The following TRIQK variants were observed in gnomAD, a reference collection of about 807,000 sequenced individuals.
TRIQK encodes triple QxxK/R motif containing, also known as triple QxxK/R motif-containing protein.
TRIQK carries 10 observed loss-of-function variants against 10.8 expected under a neutral mutation model. The observed-to-expected ratio is 0.92, with a 90% confidence interval of 0.57 to 1.57. The LOEUF (loss-of-function observed/expected upper bound fraction) is 1.57, where lower values mean the gene tolerates loss of function less well. Among genes scored for constraint, TRIQK ranks in the 40% most tolerant of loss-of-function variants. TRIQK has a pLI of 0.00. For synonymous variants in TRIQK, 33 were observed against 33.7 expected (o/e 0.98, Z 0.07); for missense variants, 107 against 97.7 (o/e 1.09, Z -0.40).
intron 1 of TRIQK, among the ~76,000 whole-genome samples, chr8:93,001,305 C>CAA (rs1229891736): frequency 2.5e-5 from 2 of 78,814 alleles, no homozygotes; most frequent in Admixed American, 1.4e-4. Flanking sequence ...GACTCCATCT[C>CAA]AAAAAAAAAA....
chr8:93,003,478 C>A (rs1446141322), intron 1 of TRIQK, among the ~76,000 whole-genome samples: 1 of 152,170 alleles, frequency 6.6e-6, no homozygotes, highest in Non-Finnish European at 1.5e-5. Context: ...TCCCCCATCA[C>A]TGGCAATTAC....
chr8:92,897,119 A>T (rs1808648704), intron 3 of TRIQK, among the ~76,000 whole-genome samples: 1 of 152,130 alleles, frequency 6.6e-6, no homozygotes, highest in South Asian at 2.1e-4. Context: ...GCCAGGCCCC[A>T]GCATTGTACT....
intron 1 of TRIQK, among the ~76,000 whole-genome samples, chr8:93,001,137 C>G (rs1416416493): frequency 6.6e-6 from 1 of 151,946 alleles, no homozygotes; most frequent in African/African-American, 2.4e-5. Flanking sequence ...GAAACCCCGT[C>G]TCTACTAAAA....
At chr8:92,933,357 C>A (rs187891337) in intron 2 of TRIQK, among the ~76,000 whole-genome samples, 60 of 152,082 alleles carry the variant, frequency 3.9e-4, no homozygotes, top group Non-Finnish European at 7.4e-4. Context: ...GGATAAGAAC[C>A]GATTTGAATT....
At chr8:92,929,749 C>G (rs887163837) in intron 2 of TRIQK, among the ~76,000 whole-genome samples, 3 of 152,064 alleles carry the variant, frequency 2.0e-5, no homozygotes, top group Admixed American at 1.3e-4. Context: ...GAGATAACTT[C>G]TATTAAATAG....
chr8:92,921,660 G>A (rs1810196131), intron 2 of TRIQK: 1 of 151,694 alleles, frequency 6.6e-6, no homozygotes, highest in Non-Finnish European at 1.5e-5. Context: ...GTTTCATATT[G>A]CTGTGATAAG....
At chr8:93,008,381 T>C (rs912716290) in intron 1 of TRIQK, among the ~76,000 whole-genome samples, 1 of 152,174 alleles carries the variant, frequency 6.6e-6, no homozygotes, top group African/African-American at 2.4e-5. Context: ...GAAGAATTAA[T>C]GCCATTAAAA....
chr8:92,936,227 T>C (rs1586456349), intron 2 of TRIQK, among the ~76,000 whole-genome samples: 1 of 151,776 alleles, frequency 6.6e-6, no homozygotes, highest in East Asian at 1.9e-4. Context: ...CTAAACATAA[T>C]ATTAGACAAC....
At chr8:92,943,454 A>G (rs549007153) in intron 2 of TRIQK, among the ~76,000 whole-genome samples, 1 of 152,332 alleles carries the variant, frequency 6.6e-6, no homozygotes, top group South Asian at 2.1e-4. Context: ...CCAAAACAGC[A>G]TGGCATTGGC....
chr8:92,902,574 G>A (rs1007664302), intron 3 of TRIQK, among the ~76,000 whole-genome samples: 1 of 152,086 alleles, frequency 6.6e-6, no homozygotes, highest in African/African-American at 2.4e-5. Flanking sequence ...TTCTTATGAA[G>A]GTGCTTGTTT....
chr8:92,977,812 G>A (rs1586520445), intron 1 of TRIQK, among the ~76,000 whole-genome samples: 1 of 152,018 alleles, frequency 6.6e-6, no homozygotes, highest in African/African-American at 2.4e-5. Flanking sequence ...AAGTACAATT[G>A]TCATGTAGAA....
chr8:92,917,499 T>C (rs1305019117), intron 2 of TRIQK, among the ~76,000 whole-genome samples: 2 of 152,018 alleles, frequency 1.3e-5, no homozygotes, highest in East Asian at 3.8e-4. Context: ...TCAGTTCTAG[T>C]TCTGCCCCTC....
At chr8:92,938,633 T>C (rs1811115959) in intron 2 of TRIQK, among the ~76,000 whole-genome samples, 1 of 152,160 alleles carries the variant, frequency 6.6e-6, no homozygotes, top group South Asian at 2.1e-4. Flanking sequence ...CATCTACACA[T>C]ATATGAGACC....
intron 3 of TRIQK, among the ~76,000 whole-genome samples, chr8:92,899,137 C>A (rs1436893550): frequency 6.6e-6 from 1 of 151,214 alleles, no homozygotes; most frequent in African/African-American, 2.4e-5. Context: ...GCACATGACA[C>A]CATGGCCAGC....
chr8:92,885,179 A>G lies in TRIQK; in HGVS notation c.*1443T>C. 2.8e-6 allele frequency: 1 copy of G among 358,904 alleles called. No homozygotes were observed. The highest frequency in any genetic ancestry group is 3.6e-5 in the Admixed American group (1 of 28,110). The allele number at this position is 358,904 out of a possible 1,614,324, so 22.2% of individuals were successfully genotyped here. Reference sequence around the variant, plus strand: ...CCTTTGGCTGTTTTCACACCAATGAAATAAATTATGCTACTTGAAAAAAAT... The same window carrying G: ...CCTTTGGCTGTTTTCACACCAATGAGATAAATTATGCTACTTGAAAAAAAT... On this transcript the variant is annotated 3_prime_UTR_variant, in exon 5 of 5. Coordinates refer to ENST00000521988, the MANE Select transcript of TRIQK (RefSeq NM_001171797.2).
chr8:93,012,023 A>T (rs1311496510), intron 1 of TRIQK, among the ~76,000 whole-genome samples: 1 of 152,212 alleles, frequency 6.6e-6, no homozygotes, highest in East Asian at 1.9e-4. Flanking sequence ...GGAGAAAAGT[A>T]TCTAGACAGT....
intron 1 of TRIQK, among the ~76,000 whole-genome samples, chr8:93,003,333 A>AGAGAGAGAGC (rs1214202197): frequency 6.6e-6 from 1 of 151,684 alleles, no homozygotes; most frequent in Non-Finnish European, 1.5e-5. Context: ...AGAGAGAGAG[A>AGAGAGAGAGC]GAGAGAGCAC....
chr8:92,935,909 G>T (rs1810965854), intron 2 of TRIQK, among the ~76,000 whole-genome samples: 2 of 151,546 alleles, frequency 1.3e-5, no homozygotes. Flanking sequence ...AAATTCAGTG[G>T]AACTATAATT....
intron 1 of TRIQK, among the ~76,000 whole-genome samples, chr8:92,990,616 C>T (rs187668253): frequency 5.9e-5 from 9 of 152,164 alleles, no homozygotes; most frequent in East Asian, 3.9e-4. Flanking sequence ...GCTGAAGCAG[C>T]GTGGGAAGTC....
Sources: gnomAD v4.1 joint callset for allele counts (sites outside exome capture counted in the v4.1 genomes callset) on GRCh38, gnomAD v4.1.1 for gene constraint, MANE v1.5 for transcripts, NCBI Gene and HGNC (gene_info 2026-07-23, HGNC 2026-07-21) for gene names.